XYLT1: variants seen among roughly 807,000 people sequenced by gnomAD.
XYLT1 encodes beta-D-xylosyltransferase 1.
Under a neutral mutation model 91.3 loss-of-function variants are expected in XYLT1, and 36 were observed. That is an observed-to-expected ratio of 0.39 (90% CI 0.30 to 0.52). The LOEUF (loss-of-function observed/expected upper bound fraction) is 0.52. Ranked by LOEUF, XYLT1 falls within the 20% of genes least tolerant of loss-of-function variation. The pLI is 0.68. For synonymous variants in XYLT1, 588 were observed against 532.0 expected, an observed-to-expected ratio of 1.11 and a Z score of -1.45; for missense variants, 1,242 against 1,284.5, an observed-to-expected ratio of 0.97 and a Z score of 0.51.
At chr16:17,289,733 C>T (rs1444128259) in intron 2 of XYLT1, among the ~76,000 whole-genome samples, 1 of 152,038 alleles carries the variant, frequency 6.6e-6, no homozygotes, top group East Asian at 1.9e-4. Context: ...ATTTGACTGG[C>T]TCCAAAAAAA....
At chr16:17,167,499 C>T (rs2031720487) in intron 5 of XYLT1, among the ~76,000 whole-genome samples, 1 of 151,610 alleles carries the variant, frequency 6.6e-6, no homozygotes, top group Admixed American at 6.6e-5. Flanking sequence ...CCCATCCTTC[C>T]ATCTCGTGAA....
chr16:17,270,892 G>GA (rs911987676), intron 2 of XYLT1, among the ~76,000 whole-genome samples: 8 of 152,254 alleles, frequency 5.3e-5, no homozygotes, highest in Admixed American at 2.0e-4. Context: ...GCTCTCCGCA[G>GA]AAAAAATGAA....
chr16:17,466,778 T>C (rs973520016), intron 1 of XYLT1, among the ~76,000 whole-genome samples: 2 of 152,214 alleles, frequency 1.3e-5, no homozygotes, highest in African/African-American at 4.8e-5. Flanking sequence ...ACACTTTCCA[T>C]GATAAACAGA....
At chr16:17,353,066 C>T (rs962196896) in intron 2 of XYLT1, among the ~76,000 whole-genome samples, 16 of 152,204 alleles carry the variant, frequency 1.1e-4, no homozygotes. Context: ...ATGTCATTCC[C>T]TTCCCTCTAA....
chr16:17,337,784 T>TTA (rs1567381043), intron 2 of XYLT1, among the ~76,000 whole-genome samples: 1 of 145,196 alleles, frequency 6.9e-6, no homozygotes, highest in East Asian at 2.0e-4. Flanking sequence ...TCTTTTTCTT[T>TTA]TTTTTTTTTT....
At chr16:17,203,841 C>A (rs1470437418) in intron 3 of XYLT1, among the ~76,000 whole-genome samples, 1 of 152,236 alleles carries the variant, frequency 6.6e-6, no homozygotes, top group African/African-American at 2.4e-5. Context: ...TGTATGGGGC[C>A]TTTGAGATTA....
chr16:17,333,564 AAATT>A (rs1291681970), intron 2 of XYLT1, among the ~76,000 whole-genome samples: 134 of 150,324 alleles, frequency 8.9e-4, no homozygotes, highest in African/African-American at 3.1e-3. Flanking sequence ...ATTCATGTTG[AAATT>A]AATTAATTAA....
chr16:17,289,100 G>A (rs2034184880), intron 2 of XYLT1, among the ~76,000 whole-genome samples: 1 of 152,290 alleles, frequency 6.6e-6, no homozygotes, highest in African/African-American at 2.4e-5. Context: ...TTTCTGTAAA[G>A]GACTGGCTAA....
intron 10 of XYLT1, among the ~76,000 whole-genome samples, chr16:17,125,061 C>T (rs1029887338): frequency 5.3e-5 from 8 of 152,002 alleles, no homozygotes; most frequent in African/African-American, 1.9e-4. Context: ...GCTTAATAGT[C>T]GAACTTCTTA....
intron 2 of XYLT1, among the ~76,000 whole-genome samples, chr16:17,357,305 G>A (rs1443897634): frequency 6.6e-6 from 1 of 151,728 alleles, no homozygotes; most frequent in Non-Finnish European, 1.5e-5. Flanking sequence ...CTGGGATGAC[G>A]TTTCAGATGC....
chr16:17,132,641 G>A (rs1597140617), intron 9 of XYLT1, among the ~76,000 whole-genome samples: 1 of 152,206 alleles, frequency 6.6e-6, no homozygotes, highest in African/African-American at 2.4e-5. Context: ...AATGGCTCAT[G>A]CCTGTAATCT....
rs1366466698 is a variant in XYLT1 at position 17,104,316 on chromosome 16, T to C, written c.*4379A>G. 3.3e-5 allele frequency: 5 copies of C among 152,322 alleles called. No homozygotes were observed. The highest frequency in any genetic ancestry group is 3.3e-4 in the Admixed American group (5 of 15,280). The allele number at this position is 152,322 out of a possible 1,614,324, so 9.4% of individuals were successfully genotyped here. ...CCCACAAGCTGTAGCCCCAGGCAGA[T>C]GTGGACCTCTGCATATCTAAGGGGC... is the stretch of plus-strand genomic sequence containing the variant. On this transcript the variant is annotated 3_prime_UTR_variant, in exon 12 of 12. Coordinates refer to ENST00000261381, the MANE Select transcript of XYLT1 (RefSeq NM_022166.4).
chr16:17,259,124 G>A lies in XYLT1; in HGVS notation c.777C>T (p.Ile259=). 6.3e-7 allele frequency: 1 copy of A among 1,579,614 alleles called. No homozygotes were observed. The highest frequency in any genetic ancestry group is 8.6e-7 in the Non-Finnish European group (1 of 1,163,452). ...TKYDQPPKCD[I]SGKEAISALS... ...GGGCAGAGATGGCCTCCTTGCCTGA[G>A]ATGTCACACTTAGGGGGCTGGTCAT... is the stretch of plus-strand genomic sequence containing the variant. Residue 259 remains isoleucine, a synonymous_variant, in exon 3 of 12, where the codon ATC becomes ATT. Coordinates refer to ENST00000261381, the MANE Select transcript of XYLT1 (RefSeq NM_022166.4).
At chr16:17,435,256 T>C (rs2036442078) in intron 1 of XYLT1, among the ~76,000 whole-genome samples, 1 of 152,186 alleles carries the variant, frequency 6.6e-6, no homozygotes, top group African/African-American at 2.4e-5. Context: ...CTCCATTCAC[T>C]GACTTTTCAC....
At chr16:17,415,700 G>GA (rs920073127) in intron 1 of XYLT1, among the ~76,000 whole-genome samples, 48 of 150,430 alleles carry the variant, frequency 3.2e-4, no homozygotes, top group South Asian at 1.3e-3. Context: ...TCAAAAAAAG[G>GA]AAAAAAAAAC....
chr16:17,398,913 C>G (rs983492434), intron 1 of XYLT1, among the ~76,000 whole-genome samples: 2 of 145,234 alleles, frequency 1.4e-5, no homozygotes, highest in Non-Finnish European at 3.0e-5. Flanking sequence ...GGCTCGATCT[C>G]GGCTCATTGC....
intron 1 of XYLT1, among the ~76,000 whole-genome samples, chr16:17,467,823 A>G (rs1424195): frequency 0.93 from 141,893 of 152,192 alleles, 66,307 homozygotes; most frequent in East Asian, 0.99. Context: ...TTCCCTCTAC[A>G]TGCAAGAGCC....
At chr16:17,333,212 G>A (rs950217975) in intron 2 of XYLT1, among the ~76,000 whole-genome samples, 2 of 152,052 alleles carry the variant, frequency 1.3e-5, no homozygotes, top group Non-Finnish European at 2.9e-5. Context: ...TCTAGTAGCT[G>A]TGTTTTTTAA....
Position 17,200,638 on chromosome 16 carries a change from G to A in XYLT1, c.930C>T (p.Asn310=), listed in dbSNP as rs372400180. 46 of 1,613,100 alleles carry A rather than the reference G, an allele frequency of 2.9e-5. No homozygotes were observed. Among genetic ancestry groups the A allele is most frequent in the Admixed American group, 1.3e-4 (8 of 59,986 alleles). ...FCPLEGKANK[N]VQWDEDSVEY... is the part of the protein sequence containing the mutation. ...CCACGGAGTCCTCGTCCCACTGCAC[G>A]TTCTTGTTGGCTTTACCTGGGGAAA... The change falls in exon 4 of 12, where the codon AAC becomes AAT. Residue 310 remains asparagine (N), a synonymous_variant. Transcript: ENST00000261381.
Sources: gnomAD v4.1 joint callset for allele counts (sites outside exome capture counted in the v4.1 genomes callset) on GRCh38, gnomAD v4.1.1 for gene constraint, MANE v1.5 for transcripts, NCBI Gene and HGNC (gene_info 2026-07-23, HGNC 2026-07-21) for gene names.